The following R3HDM4 variants were observed in gnomAD, a reference collection of about 807,000 sequenced individuals.
R3HDM4 encodes the protein R3H domain-containing protein 4.
Under a neutral mutation model 31.3 loss-of-function variants are expected in R3HDM4, and 30 were observed. That is an observed-to-expected ratio of 0.96 (90% CI 0.72 to 1.30). The LOEUF is 1.30. R3HDM4 is among the 50% of genes most tolerant of loss of function. R3HDM4 has a pLI of 0.00. For missense variants in R3HDM4, 444 were observed against 366.1 expected, an observed-to-expected ratio of 1.21 and a Z score of -1.74; for synonymous variants, 196 against 156.6, an observed-to-expected ratio of 1.25 and a Z score of -1.88.
In R3HDM4 at chr19:897,469, G is replaced by A. The variant is rs2036754586; in HGVS notation, c.775C>T (p.Leu259Phe). 1 of 1,612,186 alleles carries A rather than the reference G, an allele frequency of 6.2e-7. No individual in the cohort carries two copies. Among genetic ancestry groups the A allele is most frequent in the Non-Finnish European group, 8.5e-7 (1 of 1,179,542 alleles). The stretch of plus-strand genomic sequence containing the variant: ...TGCTGCTCCAGGTAGGCGGACAGGA[G>A]CAGCCCCGGCGGCAGGAAATCCAGG... ...RHLDFLPPGL[L>F]LSAYLEQHS The change falls in exon 8 of 8, where the codon CTC becomes TTC. Residue 259 changes from leucine (L) to phenylalanine (F), a missense_variant. By Grantham distance (22) the Leu-to-Phe change is conservative. Transcript: ENST00000361574.
At position 897,216 on chromosome 19, in the gene R3HDM4, G is replaced by A. The variant is rs913729264; in HGVS notation, c.*221C>T. On this transcript the variant is annotated 3_prime_UTR_variant, in exon 8 of 8. Transcript: ENST00000361574. The stretch of plus-strand genomic sequence containing the variant: ...GTCTCCCCACCCAAACACAAGTCCC[G>A]GAGTGGGAAGCTTGGAGCTGGGATG... The A allele has an allele frequency of 2.4e-5, 12 of 505,296 alleles. No homozygotes were observed. The highest frequency in any genetic ancestry group is 9.9e-5 in the East Asian group (3 of 30,322). 31.3% of individuals were successfully genotyped at this position (505,296 alleles called of 1,614,324 possible).
In R3HDM4 at chr19:899,680, G is replaced by T; in HGVS notation, c.568C>A (p.Leu190Met). ...LKRSRIPMET[L>M]ETWEERLLRF... ...AGCAGCCGCTCCTCCCAGGTCTCCA[G>T]CGTTTCCTGGGGAGAGCGGCCCGGT... Residue 190 changes from leucine (L) to methionine (M), a missense_variant, in exon 6 of 8, where the codon CTG (leucine) becomes ATG (methionine). Physicochemically the swap from Leu to Met is conservative, Grantham distance 15 (BLOSUM62 2). Transcript: ENST00000361574. The surrounding 1 kb of genome is among the most constrained non-coding windows in gnomAD (Gnocchi z 6.8). 1 of 1,591,496 alleles carries T rather than the reference G, an allele frequency of 6.3e-7. No individual in the cohort carries two copies. The highest frequency in any genetic ancestry group is 8.6e-7 in the Non-Finnish European group (1 of 1,168,268).
At position 899,705 on chromosome 19, in the gene R3HDM4, T is replaced by A. The variant is rs1182149070; in HGVS notation, c.562-19A>T. 6.5e-7 allele frequency: 1 copy of A among 1,547,524 alleles called. No homozygotes were observed. Among genetic ancestry groups the A allele is most frequent in the African/African-American group, 1.4e-5 (1 of 72,546 alleles). On this transcript the variant is annotated intron_variant, in intron 5 of 7. Transcript: ENST00000361574. The surrounding 1 kb of genome is among the most constrained non-coding windows in gnomAD (Gnocchi z 6.8). ...GCGTTTCCTGGGGAGAGCGGCCCGG[T>A]GGTCAGGGAACTGCGGGACCTGTGG...
intron 2 of R3HDM4, 93 bp downstream of exon 2, chr19:901,883 C>G: frequency 1.3e-6 from 2 of 1,500,080 alleles, no homozygotes; most frequent in Non-Finnish European, 1.8e-6. Context: ...CACCCAGGCA[C>G]AGCTCATGGG....
chr19:910,145 G>A (rs557415385), intron 1 of R3HDM4, among the ~76,000 whole-genome samples: 102 of 152,194 alleles, frequency 6.7e-4, no homozygotes, highest in African/African-American at 2.4e-3. Flanking sequence ...GACCAATATG[G>A]AGAAACTCCG....
Position 899,753 on chromosome 19 carries a change from G to A in R3HDM4, c.562-67C>T. On this transcript the variant is annotated intron_variant, in intron 5 of 7. Coordinates refer to ENST00000361574, the MANE Select transcript of R3HDM4 (RefSeq NM_138774.4). The surrounding 1 kb of genome is among the most constrained non-coding windows in gnomAD (Gnocchi z 6.8). ...TGGGTGGGGGGCCAGGGAGGTCCAGGGCCCCCAGGAGCCCACAGCGCTGGG... is the reference window on the plus strand; with the variant it reads ...TGGGTGGGGGGCCAGGGAGGTCCAGAGCCCCCAGGAGCCCACAGCGCTGGG... 3 of 1,322,704 alleles carry A rather than the reference G, an allele frequency of 2.3e-6. No individual in the cohort carries two copies. In the East Asian group the frequency reaches 7.4e-5, roughly 33 times the overall value. 81.9% of individuals were successfully genotyped at this position (1,322,704 alleles called of 1,614,324 possible).
Position 912,935 on chromosome 19 carries a change from G to C in R3HDM4, c.71+152C>G, listed in dbSNP as rs1346774008. Reference sequence around the variant, plus strand: ...GCGAGAAGGGAAGGCAGGACAGGCTGAAGCCCCGGAAGATGAGCAACGGGA... The same window carrying C: ...GCGAGAAGGGAAGGCAGGACAGGCTCAAGCCCCGGAAGATGAGCAACGGGA... On this transcript the variant is annotated intron_variant, in intron 1 of 7. Coordinates refer to ENST00000361574, the MANE Select transcript of R3HDM4 (RefSeq NM_138774.4). The C allele has an allele frequency of 2.4e-5, 5 of 205,568 alleles. No homozygotes were observed. The South Asian group carries it at 6.5e-4, about 27-fold the overall frequency. 12.7% of individuals were successfully genotyped at this position (205,568 alleles called of 1,614,324 possible).
rs1351007458 is a variant in R3HDM4 at position 907,693 on chromosome 19, G to C, written c.71+5394C>G. 2.6e-5 allele frequency among the ~76,000 whole-genome samples: 4 copies of C among 152,098 alleles called. No individual in the cohort carries two copies. The highest frequency in any genetic ancestry group is 9.7e-5 in the African/African-American group (4 of 41,420). ...CCTCCAGGCCCACAAGGACCTGCCT[G>C]GTCCTTCCCCTGCTCCAGCACAGCC... On this transcript the variant is annotated intron_variant, in intron 1 of 7. Transcript: ENST00000361574. The surrounding 1 kb of genome is among the most constrained non-coding windows in gnomAD (Gnocchi z 4.1).
intron 1 of R3HDM4, among the ~76,000 whole-genome samples, chr19:903,247 C>G (rs559467408): frequency 9.9e-5 from 15 of 151,856 alleles, no homozygotes; most frequent in Admixed American, 8.5e-4. Context: ...GCAAACCCCC[C>G]CCTTAATGTC....
At chr19:905,882 C>G (rs940900894) in intron 1 of R3HDM4, among the ~76,000 whole-genome samples, 3 of 152,150 alleles carry the variant, frequency 2.0e-5, no homozygotes, top group Non-Finnish European at 4.4e-5. Flanking sequence ...AAGCTTCCAC[C>G]CTGGACCAGG....
rs2036919797 is a variant in R3HDM4 at position 907,359 on chromosome 19, CT to C, written c.72-5230del. Among the ~76,000 whole-genome samples, 1 of 152,106 alleles carries C rather than the reference CT, an allele frequency of 6.6e-6. No homozygotes were observed. Among genetic ancestry groups the C allele is most frequent in the African/African-American group, 2.4e-5 (1 of 41,434 alleles). ...GCCCCAGATTCACCCACAGCCCCCCCTGAGGCCCCGGGGCCTACTTCTCCAC... is the reference window on the plus strand; with the variant it reads ...GCCCCAGATTCACCCACAGCCCCCCCGAGGCCCCGGGGCCTACTTCTCCAC... On this transcript the variant is annotated intron_variant, in intron 1 of 7. Coordinates refer to ENST00000361574, the MANE Select transcript of R3HDM4 (RefSeq NM_138774.4). The surrounding 1 kb of genome is among the most constrained non-coding windows in gnomAD (Gnocchi z 4.1).
In R3HDM4 at chr19:908,793, A is replaced by G. The variant is rs529328510; in HGVS notation, c.71+4294T>C. On this transcript the variant is annotated intron_variant, in intron 1 of 7. Transcript: ENST00000361574. The stretch of plus-strand genomic sequence containing the variant: ...CCCACCTAGCCCAGTCAGCCTTACC[A>G]GGAAGCTCTGGAAACCAACCGGCCC... Among the ~76,000 whole-genome samples, 3 of 141,568 alleles carry G rather than the reference A, an allele frequency of 2.1e-5. No homozygotes were observed. In the East Asian group the frequency reaches 6.4e-4, roughly 30 times the overall value. The allele number at this position is 141,568 out of a possible 152,430, so 92.9% of individuals were successfully genotyped here. A position where few individuals can be genotyped will look rare whatever the true frequency, so the allele number is the denominator to read the frequency against.
chr19:899,343 A>G lies in R3HDM4; in HGVS notation c.703+97T>C. On this transcript the variant is annotated intron_variant, in intron 7 of 7. Coordinates refer to ENST00000361574, the MANE Select transcript of R3HDM4 (RefSeq NM_138774.4). The surrounding 1 kb of genome is among the most constrained non-coding windows in gnomAD (Gnocchi z 6.8). ...CTCCAGCCCCCTTCCCCACCTCCCC[A>G]CCAAGCCCCACTCTGAGGAACCAGG... The G allele has an allele frequency of 4.1e-6, 5 of 1,219,032 alleles. No homozygotes were observed. Among genetic ancestry groups the G allele is most frequent in the Non-Finnish European group, 6.0e-6 (5 of 839,226 alleles). 75.5% of individuals were successfully genotyped at this position (1,219,032 alleles called of 1,614,324 possible). A position where few individuals can be genotyped will look rare whatever the true frequency, so the allele number is the denominator to read the frequency against.
chr19:901,562 T>C lies in R3HDM4; in HGVS notation c.227-16A>G. ...AGGTACTGGGCTAGGTGGAAACAGA[T>C]GCTCTCTGGGCCGGGGTGGCATTTG... On this transcript the variant is annotated splice_polypyrimidine_tract_variant and intron_variant, in intron 2 of 7. Transcript: ENST00000361574. 3 of 1,595,152 alleles carry C rather than the reference T, an allele frequency of 1.9e-6. No homozygotes were observed. Among genetic ancestry groups the C allele is most frequent in the Non-Finnish European group, 1.7e-6 (2 of 1,174,208 alleles).
intron 7 of R3HDM4, among the ~76,000 whole-genome samples, chr19:897,831 T>C (rs570731138): frequency 6.6e-6 from 1 of 152,242 alleles, no homozygotes; most frequent in African/African-American, 2.4e-5. Context: ...TGAGGCCGCA[T>C]GGCCACTCAC....
At position 900,157 on chromosome 19, in the gene R3HDM4, G is replaced by T. The variant is rs375154265; in HGVS notation, c.476-11C>A. The T allele has an allele frequency of 7.8e-5, 121 of 1,548,574 alleles. No individual in the cohort carries two copies. Among genetic ancestry groups the T allele is most frequent in the Middle Eastern group, 4.1e-4 (2 of 4,826 alleles). ...TATAGGCGGGGTCCTCTGCAGGAGTGGGGGAACAAGGGGCAGTCTTGGGGT... is the reference window on the plus strand; with the variant it reads ...TATAGGCGGGGTCCTCTGCAGGAGTTGGGGAACAAGGGGCAGTCTTGGGGT... On this transcript the variant is annotated splice_polypyrimidine_tract_variant and intron_variant, in intron 4 of 7. Coordinates refer to ENST00000361574, the MANE Select transcript of R3HDM4 (RefSeq NM_138774.4).
In R3HDM4 at chr19:913,167, G is replaced by C; in HGVS notation, c.-10C>G. 9.4e-7 allele frequency: 1 copy of C among 1,065,852 alleles called. No individual in the cohort carries two copies. The highest frequency in any genetic ancestry group is 1.1e-6 in the Non-Finnish European group (1 of 884,282). The allele number at this position is 1,065,852 out of a possible 1,614,324, so 66.0% of individuals were successfully genotyped here. A position where few individuals can be genotyped will look rare whatever the true frequency, so the allele number is the denominator to read the frequency against. On this transcript the variant is annotated 5_prime_UTR_variant, in exon 1 of 8. Coordinates refer to ENST00000361574, the MANE Select transcript of R3HDM4 (RefSeq NM_138774.4). This position sits in a 1 kb window ranked among gnomAD's most constrained non-coding sequence, Gnocchi z 5.0. The stretch of plus-strand genomic sequence containing the variant: ...TCTCCAGCGCGACCATGGCTCGCAC[G>C]CTGTCGCCGCCGCCGCCGCCCGGCA...
chr19:910,881 A>G (rs1317389496), intron 1 of R3HDM4, among the ~76,000 whole-genome samples: 1 of 152,182 alleles, frequency 6.6e-6, no homozygotes, highest in African/African-American at 2.4e-5. Flanking sequence ...GCACTTTGGG[A>G]GGCCAAGGCG....
At chr19:906,149 G>T (rs1637869) in intron 1 of R3HDM4, among the ~76,000 whole-genome samples, 2 of 149,606 alleles carry the variant, frequency 1.3e-5, no homozygotes, top group Admixed American at 6.7e-5. Context: ...CTCAGCCTCC[G>T]GAGTAGCTGG....
Sources: allele counts gnomAD v4.1 joint callset (sites outside exome capture counted in the v4.1 genomes callset), GRCh38; gene constraint gnomAD v4.1.1; non-coding constraint Gnocchi (gnomAD v3.1); transcripts MANE v1.5; gene names NCBI Gene and HGNC (gene_info 2026-07-23, HGNC 2026-07-21).